The following ZNF541 variants were observed in gnomAD, a reference collection of about 807,000 sequenced individuals.
ZNF541 encodes zinc finger protein 541.
In ZNF541, 23 loss-of-function variants were observed where a neutral mutation model predicts 123.5. That is an observed-to-expected ratio of 0.19 (90% CI 0.13 to 0.26). The LOEUF is 0.26. ZNF541 is among the 10% of genes least tolerant of loss of function. The pLI is 1.00. For synonymous variants in ZNF541, 751 were observed against 754.5 expected (o/e 1.00, Z 0.08); for missense variants, 1,612 against 1,789.9 (o/e 0.90, Z 1.79).
intron 12 of ZNF541, among the ~76,000 whole-genome samples, chr19:47,530,523 G>A (rs954658201): frequency 6.6e-6 from 1 of 152,056 alleles, no homozygotes; most frequent in African/African-American, 2.4e-5. Flanking sequence ...TAAGCCCCCT[G>A]AGGGCAGGGA....
intron 2 of ZNF541, among the ~76,000 whole-genome samples, chr19:47,565,667 A>T (rs1420720558): frequency 6.6e-6 from 1 of 152,166 alleles, no homozygotes; most frequent in Non-Finnish European, 1.5e-5. Context: ...AGGAGCAGGT[A>T]AGTTTCAGGA....
intron 13 of ZNF541, among the ~76,000 whole-genome samples, chr19:47,529,254 C>G (rs1358382480): frequency 1.3e-5 from 2 of 152,208 alleles, no homozygotes; most frequent in Non-Finnish European, 2.9e-5. Flanking sequence ...TTGCTAAAGG[C>G]AGGTGGGGGC....
intron 1 of ZNF541, among the ~76,000 whole-genome samples, 85 bp downstream of exon 1, chr19:47,572,998 G>T (rs1434793283): frequency 6.6e-6 from 1 of 151,932 alleles, no homozygotes; most frequent in Non-Finnish European, 1.5e-5. Context: ...TGTAAAAAGG[G>T]GGAGGGGTTG....
chr19:47,535,383 G>GT (rs753664021), intron 9 of ZNF541, among the ~76,000 whole-genome samples: 86 of 152,294 alleles, frequency 5.6e-4, no homozygotes, highest in Non-Finnish European at 5.3e-4. Context: ...AATTAGAAAT[G>GT]TTTGTCCTGC....
intron 11 of ZNF541, 73 bp downstream of exon 11, chr19:47,532,055 T>C: frequency 2.6e-6 from 4 of 1,530,626 alleles, no homozygotes; most frequent in South Asian, 1.2e-5. Flanking sequence ...GTTCCAGACC[T>C]AGGAGGAAAA....
chr19:47,538,564 G>A (rs572460676), intron 8 of ZNF541, 125 bp from the exon 9 acceptor site: 16 of 1,033,642 alleles, frequency 1.5e-5, no homozygotes, highest in Admixed American at 6.1e-5. Context: ...ATGCACGCCC[G>A]GCAAAGGAGG....
chr19:47,539,586 G>A, intron 8 of ZNF541, 119 bp downstream of exon 8: 1 of 1,157,036 alleles, frequency 8.6e-7, no homozygotes, highest in East Asian at 3.2e-5. Context: ...ACAGGCATGA[G>A]CCACCACATC....
At chr19:47,522,739 T>C (rs1252800403) in intron 14 of ZNF541, among the ~76,000 whole-genome samples, 2 of 140,532 alleles carry the variant, frequency 1.4e-5, no homozygotes, top group African/African-American at 5.4e-5. Flanking sequence ...AAGGCTGCAG[T>C]GAGCCTTTTT....
intron 8 of ZNF541, among the ~76,000 whole-genome samples, chr19:47,539,086 G>C (rs887552112): frequency 6.6e-6 from 1 of 152,028 alleles, no homozygotes; most frequent in Non-Finnish European, 1.5e-5. Flanking sequence ...GGCTCCCTCT[G>C]CTCCCAGCTC....
At chr19:47,528,870 AC>A in intron 14 of ZNF541, 79 bp downstream of exon 14, 2 of 1,198,500 alleles carry the variant, frequency 1.7e-6, no homozygotes, top group Non-Finnish European at 2.4e-6. Flanking sequence ...GGGCCCTCCG[AC>A]CCCCGACCAG....
chr19:47,568,008 CCAGACTCT>C (rs1971333120), intron 2 of ZNF541, among the ~76,000 whole-genome samples: 1 of 152,162 alleles, frequency 6.6e-6, no homozygotes, highest in Non-Finnish European at 1.5e-5. Flanking sequence ...CCCATTTTCT[CCAGACTCT>C]CAGCTCTAGG....
At chr19:47,543,328 A>G (rs1453042721) in intron 5 of ZNF541, among the ~76,000 whole-genome samples, 1 of 151,782 alleles carries the variant, frequency 6.6e-6, no homozygotes, top group African/African-American at 2.4e-5. Context: ...ACATGGAGTC[A>G]GGAGACCTGG....
chr19:47,521,286 C>T lies in ZNF541; in HGVS notation c.3979G>A (p.Val1327Met). ...TCTTCCTTTAGCTGGAAGGGCTTCA[C>T]TGGCCACTTCACCCTGATGATGGGC... ...VEPIIRVKWP[V>M]KPFQLKEEEL... The change falls in exon 17 of 17, where the codon GTG (valine) becomes ATG (methionine). Residue 1327 changes from valine (V) to methionine (M), a missense_variant. Coordinates refer to ENST00000391901, the MANE Select transcript of ZNF541 (RefSeq NM_001277075.3). The surrounding 1 kb of genome is among the most constrained non-coding windows in gnomAD (Gnocchi z 4.2). 6.4e-7 allele frequency: 1 copy of T among 1,551,776 alleles called. No homozygotes were observed. The highest frequency in any genetic ancestry group is 8.7e-7 in the Non-Finnish European group (1 of 1,147,002).
intron 5 of ZNF541, among the ~76,000 whole-genome samples, chr19:47,542,302 G>C (rs1332909716): frequency 6.6e-6 from 1 of 152,154 alleles, no homozygotes; most frequent in African/African-American, 2.4e-5. Context: ...CTGGCAAAGA[G>C]TGGGGATGGT....
At chr19:47,540,082 C>G (rs1024567492) in intron 7 of ZNF541, 94 bp downstream of exon 7, 47 of 1,464,918 alleles carry the variant, frequency 3.2e-5, no homozygotes, top group Non-Finnish European at 3.7e-5. Context: ...AGAGTGACGT[C>G]CCCATCCTGA....
chr19:47,546,011 G>A (rs1229551589), intron 4 of ZNF541, 31 bp from the exon 5 acceptor site: 9 of 1,439,174 alleles, frequency 6.3e-6, no homozygotes, highest in Non-Finnish European at 8.3e-6. Flanking sequence ...GGGCGTCACC[G>A]GGGCACCTGG....
chr19:47,549,149 C>G, intron 4 of ZNF541, 96 bp downstream of exon 4: 2 of 1,503,196 alleles, frequency 1.3e-6, no homozygotes, highest in Non-Finnish European at 1.8e-6. Flanking sequence ...GAGGACGAGA[C>G]AGCAGGTTGA....
chr19:47,522,057 C>T (rs979471993), intron 14 of ZNF541, 63 bp from the exon 15 acceptor site: 74 of 1,538,916 alleles, frequency 4.8e-5, no homozygotes, highest in East Asian at 1.5e-4. Context: ...GTGACCTTGC[C>T]ATTGGGCCGG....
chr19:47,545,411 G>A lies in ZNF541; in HGVS notation c.1118C>T (p.Ala373Val), dbSNP rs1167319253. The A allele has an allele frequency of 4.0e-6, 6 of 1,494,314 alleles. No individual in the cohort carries two copies. The highest frequency in any genetic ancestry group is 4.5e-6 in the Non-Finnish European group (5 of 1,119,572). 92.6% of individuals were successfully genotyped at this position (1,494,314 alleles called of 1,614,324 possible). A position where few individuals can be genotyped will look rare whatever the true frequency, so the allele number is the denominator to read the frequency against. The change falls in exon 5 of 17, where the codon GCG (alanine) becomes GTG (valine). Residue 373 changes from alanine to valine, a missense_variant. Physicochemically the swap from Ala to Val is moderately conservative, Grantham distance 64 (BLOSUM62 0). This residue lies in a region of ZNF541 where 1,080 missense variants were observed against 1,013.8 expected (regional missense o/e 1.07). Transcript: ENST00000391901. This position sits in a 1 kb window ranked among gnomAD's most constrained non-coding sequence, Gnocchi z 7.5. Reference sequence around the variant, plus strand: ...CGCGGTGGACCGGGCCTGGAGCAGCGCGGTATCTGGCTCCGGCTCTGGCGG... The same window carrying A: ...CGCGGTGGACCGGGCCTGGAGCAGCACGGTATCTGGCTCCGGCTCTGGCGG... ...PDPPEPEPDTALLQARSTAEC... is the reference protein window; with the variant it reads ...PDPPEPEPDTVLLQARSTAEC...
Sources: gnomAD v4.1 joint callset for allele counts (sites outside exome capture counted in the v4.1 genomes callset) on GRCh38, gnomAD v4.1.1 for gene constraint, gnomAD v4.1.1 regional missense constraint, Gnocchi (gnomAD v3.1) non-coding constraint, MANE v1.5 for transcripts, NCBI Gene and HGNC (gene_info 2026-07-23, HGNC 2026-07-21) for gene names.